The following KCNQ5 variants were observed in gnomAD, a reference collection of about 807,000 sequenced individuals.
The protein encoded by KCNQ5 is potassium voltage-gated channel subfamily Q member 5.
A neutral mutation model predicts 98.2 loss-of-function variants in KCNQ5; 30 were observed. The ratio of observed to expected loss-of-function variants is 0.31; its 90% CI spans 0.23 to 0.41. KCNQ5 has a LOEUF of 0.41. Among genes scored for constraint, KCNQ5 ranks in the 10% least tolerant of loss-of-function variants. The pLI is 1.00. For missense variants in KCNQ5, 835 were observed against 1,182.5 expected (o/e 0.71, Z 4.31); for synonymous variants, 458 against 449.4 (o/e 1.02, Z -0.24).
chr6:72,815,015 G>A (rs1775435759), intron 1 of KCNQ5, among the ~76,000 whole-genome samples: 1 of 152,192 alleles, frequency 6.6e-6, no homozygotes, highest in African/African-American at 2.4e-5. Context: ...GGGGAGGCAT[G>A]GTAAGGGAGT....
intron 3 of KCNQ5, chr6:73,055,091 G>T (rs1772411531): frequency 2.8e-6 from 2 of 717,700 alleles, no homozygotes; most frequent in African/African-American, 1.7e-5. Flanking sequence ...CCCCAAGCCT[G>T]CCACCATGGC....
At chr6:73,083,555 A>C (rs1166343600) in intron 5 of KCNQ5, among the ~76,000 whole-genome samples, 1 of 152,202 alleles carries the variant, frequency 6.6e-6, no homozygotes, top group African/African-American at 2.4e-5. Flanking sequence ...TTATGCAAAA[A>C]AGATAAGGCA....
intron 1 of KCNQ5, among the ~76,000 whole-genome samples, chr6:72,859,065 A>G (rs1474617507): frequency 2.0e-5 from 3 of 152,172 alleles, no homozygotes; most frequent in African/African-American, 7.2e-5. Flanking sequence ...CCTTATTCAG[A>G]TTAGACCTGT....
At chr6:73,080,823 A>G (rs555042034) in intron 5 of KCNQ5, among the ~76,000 whole-genome samples, 5 of 152,198 alleles carry the variant, frequency 3.3e-5, no homozygotes, top group Non-Finnish European at 7.3e-5. Flanking sequence ...GTGCCAGTGA[A>G]TTTTCAATAC....
At chr6:73,164,886 A>AG (rs747655982) in intron 10 of KCNQ5, among the ~76,000 whole-genome samples, 9 of 152,310 alleles carry the variant, frequency 5.9e-5, no homozygotes, top group Non-Finnish European at 1.2e-4. Context: ...CTAAGATAGA[A>AG]GTACCTCTCA....
chr6:72,836,821 G>A (rs995943874), intron 1 of KCNQ5, among the ~76,000 whole-genome samples: 1 of 152,186 alleles, frequency 6.6e-6, no homozygotes, highest in African/African-American at 2.4e-5. Context: ...GTGAGATTTT[G>A]AGAGCAGAGC....
At chr6:72,630,509 C>T (rs1178092908) in intron 1 of KCNQ5, 6 of 152,164 alleles carry the variant, frequency 3.9e-5, no homozygotes, top group South Asian at 2.1e-4. Flanking sequence ...AAGAAAGGAA[C>T]GATGTGGACC....
At chr6:73,106,728 G>C (rs1775016585) in intron 6 of KCNQ5, among the ~76,000 whole-genome samples, 1 of 152,290 alleles carries the variant, frequency 6.6e-6, no homozygotes, top group East Asian at 1.9e-4. Flanking sequence ...TGGGGATTAG[G>C]ACTTCAACAT....
intron 1 of KCNQ5, among the ~76,000 whole-genome samples, chr6:72,867,066 T>G (rs2150158130): frequency 6.6e-6 from 1 of 152,354 alleles, no homozygotes; most frequent in South Asian, 2.1e-4. Flanking sequence ...ATTAGTTTAA[T>G]AGTTCAGTGA....
chr6:72,816,328 A>G (rs1775507990), intron 1 of KCNQ5, among the ~76,000 whole-genome samples: 2 of 152,224 alleles, frequency 1.3e-5, no homozygotes, highest in South Asian at 4.1e-4. Context: ...CAATGAGCAT[A>G]GAAGATTTTC....
chr6:72,802,579 C>T (rs1044074832), intron 1 of KCNQ5, among the ~76,000 whole-genome samples: 5 of 152,092 alleles, frequency 3.3e-5, no homozygotes, highest in Non-Finnish European at 7.4e-5. Flanking sequence ...AGAAAGAATT[C>T]TGTTTGTGTT....
chr6:72,851,814 CAG>C (rs1459108947), intron 1 of KCNQ5, among the ~76,000 whole-genome samples: 1 of 151,916 alleles, frequency 6.6e-6, no homozygotes, highest in Non-Finnish European at 1.5e-5. Context: ...TTTTATTTTA[CAG>C]AGTTGTTTTT....
At chr6:72,888,977 T>C (rs1778955195) in intron 1 of KCNQ5, among the ~76,000 whole-genome samples, 1 of 152,122 alleles carries the variant, frequency 6.6e-6, no homozygotes, top group Non-Finnish European at 1.5e-5. Flanking sequence ...TGTATATGTA[T>C]AGGAAGATAC....
intron 1 of KCNQ5, among the ~76,000 whole-genome samples, chr6:72,965,701 A>G (rs1767571572): frequency 6.6e-6 from 1 of 152,154 alleles, no homozygotes; most frequent in Admixed American, 6.6e-5. Context: ...TTTAAATCCA[A>G]ACTTCCACAA....
intron 1 of KCNQ5, among the ~76,000 whole-genome samples, chr6:72,877,516 C>T (rs1778461292): frequency 6.6e-6 from 1 of 152,138 alleles, no homozygotes; most frequent in South Asian, 2.1e-4. Context: ...AATAGTGCTG[C>T]AATAAACATA....
At chr6:72,805,014 T>G (rs1386547072) in intron 1 of KCNQ5, among the ~76,000 whole-genome samples, 1 of 152,176 alleles carries the variant, frequency 6.6e-6, no homozygotes, top group Admixed American at 6.6e-5. Flanking sequence ...ATCAGATTAT[T>G]GGATTTTTTT....
rs35576710 is a variant in KCNQ5, at chr6:72,897,483, G to A, written c.399-106425G>A. Among the ~76,000 whole-genome samples, 856 of 152,140 alleles carry A rather than the reference G, an allele frequency of 5.6e-3. 4 individuals carry two copies. The highest frequency in any genetic ancestry group is 0.011 in the African/African-American group (449 of 41,514). The stretch of plus-strand genomic sequence containing the variant: ...CTTGAACCTGGGAGACAGCTGTTGC[G>A]GGGAGCCGAGATTGTACCACCGCAT... On this transcript the variant is annotated intron_variant, in intron 1 of 13. Coordinates refer to ENST00000370398, the MANE Select transcript of KCNQ5 (RefSeq NM_019842.4).
intron 10 of KCNQ5, among the ~76,000 whole-genome samples, chr6:73,154,712 C>G (rs1582455726): frequency 1.3e-5 from 2 of 152,126 alleles, no homozygotes; most frequent in South Asian, 4.1e-4. Context: ...TTCCCAAGTT[C>G]TACTATAAAA....
rs565701478 is a variant in KCNQ5, at chr6:72,996,895, G to C, written c.399-7013G>C. Among the ~76,000 whole-genome samples, 38 of 152,252 alleles carry C rather than the reference G, an allele frequency of 2.5e-4. 1 individual carries two copies. Among genetic ancestry groups the C allele is most frequent in the African/African-American group, 9.1e-4 (38 of 41,542 alleles). Reference sequence around the variant, plus strand: ...GGCAGCAAACTGGGCTCGGTATATTGAATCTGAAGACCAACAGGGAAGTCA... The same window carrying C: ...GGCAGCAAACTGGGCTCGGTATATTCAATCTGAAGACCAACAGGGAAGTCA... On this transcript the variant is annotated intron_variant, in intron 1 of 13. Transcript: ENST00000370398.
Sources: gnomAD v4.1 joint callset for allele counts (sites outside exome capture counted in the v4.1 genomes callset) on GRCh38, gnomAD v4.1.1 for gene constraint, MANE v1.5 for transcripts, NCBI Gene and HGNC (gene_info 2026-07-23, HGNC 2026-07-21) for gene names.